The following ERICH1 variants were observed in gnomAD, a reference collection of about 807,000 sequenced individuals.
The protein encoded by ERICH1 is glutamate rich 1.
In ERICH1, 56 loss-of-function variants were observed where a neutral mutation model predicts 39.6. The observed-to-expected ratio is 1.41, with a 90% CI of 1.14 to 1.77. ERICH1 has a LOEUF of 1.77. Among genes scored for constraint, ERICH1 ranks in the 40% most tolerant of loss-of-function variants. The pLI, the probability that ERICH1 is intolerant of heterozygous loss-of-function variation, is 0.00. For synonymous variants in ERICH1, 313 were observed against 223.6 expected (o/e 1.40, Z -3.57); for missense variants, 826 against 575.4 (o/e 1.44, Z -4.45).
chr8:616,980 G>C (rs1371550824), intron 3 of ERICH1, among the ~76,000 whole-genome samples: 1 of 138,198 alleles, frequency 7.2e-6, no homozygotes, highest in Non-Finnish European at 1.5e-5. Context: ...GAGAGAGAGA[G>C]AGACATTGGT....
chr8:642,294 C>G (rs912129385), intron 3 of ERICH1, among the ~76,000 whole-genome samples: 2 of 148,720 alleles, frequency 1.3e-5, no homozygotes, highest in African/African-American at 5.0e-5. Context: ...AGCAGGGGAA[C>G]TGCTGCAAAG....
At chr8:729,150 TG>T (rs1819456657) in intron 1 of ERICH1, among the ~76,000 whole-genome samples, 1 of 152,174 alleles carries the variant, frequency 6.6e-6, no homozygotes, top group African/African-American at 2.4e-5. Flanking sequence ...AGCCAGGGCC[TG>T]AGGGGCTCTG....
chr8:620,724 A>G (rs1375345088), intron 3 of ERICH1, among the ~76,000 whole-genome samples: 1 of 152,248 alleles, frequency 6.6e-6, no homozygotes, highest in Non-Finnish European at 1.5e-5. Flanking sequence ...GTAATGATAA[A>G]TGTTAACATA....
intron 3 of ERICH1, among the ~76,000 whole-genome samples, chr8:642,327 T>C (rs1460205434): frequency 1.4e-5 from 2 of 145,474 alleles, no homozygotes; most frequent in Admixed American, 7.1e-5. Flanking sequence ...AAGAATATCA[T>C]GGTCTGGACT....
chr8:668,617 T>C lies in ERICH1; in HGVS notation c.1239A>G (p.Glu413=), dbSNP rs763709216. The change falls in exon 5 of 6, where the codon GAA becomes GAG. Residue 413 remains glutamate, a synonymous_variant. Transcript: ENST00000262109. ...ACTTACCAGGAGGCATCGTGCAATG[T>C]TCTGGGAACATTTCCAGAGCATGCT... is the stretch of plus-strand genomic sequence containing the variant. ...RLKHALEMFP[E]HCTMPPDHAR... 5.6e-6 allele frequency: 9 copies of C among 1,614,108 alleles called. No homozygotes were observed. The highest frequency in any genetic ancestry group is 1.6e-4 in the Middle Eastern group (1 of 6,084).
intron 3 of ERICH1, among the ~76,000 whole-genome samples, chr8:650,604 G>T (rs531517247): frequency 6.4e-4 from 98 of 152,342 alleles, no homozygotes; most frequent in African/African-American, 2.2e-3. Flanking sequence ...GGGAGGAACC[G>T]GTGTCAACGC....
intron 3 of ERICH1, among the ~76,000 whole-genome samples, chr8:629,309 G>T (rs935495467): frequency 1.3e-5 from 2 of 151,840 alleles, no homozygotes; most frequent in African/African-American, 4.8e-5. Flanking sequence ...ACCCTCCCGT[G>T]ACCACCCACA....
At chr8:616,338 G>T (rs1452857639) in intron 3 of ERICH1, 5 of 342,824 alleles carry the variant, frequency 1.5e-5, no homozygotes, top group Non-Finnish European at 2.9e-5. Flanking sequence ...ACTGAAAGTT[G>T]CTGAAGACAG....
chr8:634,591 A>T (rs567658362), intron 3 of ERICH1, among the ~76,000 whole-genome samples: 7 of 152,304 alleles, frequency 4.6e-5, no homozygotes, highest in African/African-American at 1.4e-4. Flanking sequence ...CTCTAAGCAC[A>T]GTGCCATGCG....
Position 719,790 on chromosome 8 carries a change from AGATGTTTCATTCGTTCCAAG to A in ERICH1, c.23-3803_23-3784del, listed in dbSNP as rs1360678849. Reference sequence around the variant, plus strand: ...GCTATTTAATACTTTAAGGACTCGTAGATGTTTCATTCGTTCCAAGGACCATCACCCTGTACTGTCCGGAT... The same window carrying A: ...GCTATTTAATACTTTAAGGACTCGTAGACCATCACCCTGTACTGTCCGGAT... On this transcript the variant is annotated intron_variant, in intron 1 of 5. Coordinates refer to ENST00000262109, the MANE Select transcript of ERICH1 (RefSeq NM_207332.3). 6.6e-5 allele frequency among the ~76,000 whole-genome samples: 10 copies of A among 152,294 alleles called. No homozygotes were observed. In the East Asian group the frequency reaches 1.5e-3, roughly 24 times the overall value.
intron 3 of ERICH1, among the ~76,000 whole-genome samples, chr8:679,551 C>T (rs896558407): frequency 3.7e-4 from 56 of 152,194 alleles, no homozygotes; most frequent in Non-Finnish European, 5.1e-4. Context: ...CCATCTCTCC[C>T]GTGGATGCTG....
intron 1 of ERICH1, among the ~76,000 whole-genome samples, chr8:724,971 A>T (rs1818243561): frequency 6.6e-6 from 1 of 152,164 alleles, no homozygotes; most frequent in Non-Finnish European, 1.5e-5. Flanking sequence ...CCAGCCACGA[A>T]GGACCATGTG....
At chr8:656,765 G>A (rs1800714417) in intron 3 of ERICH1, 9 of 985,334 alleles carry the variant, frequency 9.1e-6, no homozygotes, top group African/African-American at 1.7e-5. Context: ...CTAGTGTTGT[G>A]CCAAACGGTG....
At chr8:636,986 G>T (rs551167853) in intron 3 of ERICH1, among the ~76,000 whole-genome samples, 1 of 152,344 alleles carries the variant, frequency 6.6e-6, no homozygotes, top group East Asian at 1.9e-4. Context: ...CGGAGGGTTG[G>T]TTCAGGACTT....
At chr8:697,323 C>T (rs772972529) in intron 2 of ERICH1, among the ~76,000 whole-genome samples, 37 of 152,288 alleles carry the variant, frequency 2.4e-4, no homozygotes, top group Non-Finnish European at 5.1e-4. Context: ...CTTGTCTCTT[C>T]TCTGAACAGC....
intron 4 of ERICH1, among the ~76,000 whole-genome samples, chr8:670,074 T>C (rs1802944636): frequency 6.6e-6 from 1 of 152,192 alleles, no homozygotes; most frequent in African/African-American, 2.4e-5. Context: ...ACCCGTTTTC[T>C]CTCCACTCTG....
intron 2 of ERICH1, among the ~76,000 whole-genome samples, chr8:705,655 C>T (rs1373113158): frequency 1.4e-5 from 2 of 139,536 alleles, no homozygotes; most frequent in African/African-American, 5.1e-5. Context: ...TTGTCAACAT[C>T]GTATTAGAAC....
Position 617,806 on chromosome 8 carries a change from T to G in ERICH1, c.977-2522A>C, listed in dbSNP as rs530048945. Among the ~76,000 whole-genome samples the G allele has an allele frequency of 3.0e-4, 45 of 147,862 alleles. No individual in the cohort carries two copies. In the South Asian group the frequency reaches 5.2e-3, roughly 17 times the overall value. On this transcript the variant is annotated intron_variant, in intron 3 of 3. Transcript: ENST00000522706. The stretch of plus-strand genomic sequence containing the variant: ...CAGTCCATCCTCACTGCCCTATGAG[T>G]GTTCACTACTCAGTGTTCCATCTGT...
At chr8:667,785 C>G (rs1300954627) in intron 5 of ERICH1, 1 of 152,618 alleles carries the variant, frequency 6.6e-6, no homozygotes, top group Non-Finnish European at 1.5e-5. Flanking sequence ...ACATGCTGGT[C>G]TTGACCCCTC....
Sources: gnomAD v4.1 joint callset for allele counts (sites outside exome capture counted in the v4.1 genomes callset) on GRCh38, gnomAD v4.1.1 for gene constraint, MANE v1.5 for transcripts, NCBI Gene and HGNC (gene_info 2026-07-23, HGNC 2026-07-21) for gene names.